The following ARHGAP28 variants were observed in gnomAD, a reference collection of about 807,000 sequenced individuals.
ARHGAP28 encodes Rho GTPase activating protein 28.
A neutral mutation model predicts 90.7 loss-of-function variants in ARHGAP28; 56 were observed. That is an observed-to-expected ratio of 0.62 (90% CI 0.50 to 0.77). The LOEUF (loss-of-function observed/expected upper bound fraction) is 0.77, where lower values mean the gene tolerates loss of function less well. ARHGAP28 is among the 30% of genes least tolerant of loss of function. The pLI, the probability that ARHGAP28 is intolerant of heterozygous loss-of-function variation, is 0.00. For synonymous variants in ARHGAP28, 308 were observed against 323.3 expected (o/e 0.95, Z 0.51); for missense variants, 869 against 900.9 (o/e 0.96, Z 0.45).
rs374741702 is a variant in ARHGAP28 at position 6,887,248 on chromosome 18, T to G, written c.1536+9T>G. 5 of 1,613,264 alleles carry G rather than the reference T, an allele frequency of 3.1e-6. No individual in the cohort carries two copies. Among genetic ancestry groups the G allele is most frequent in the Non-Finnish European group, 4.2e-6 (5 of 1,179,514 alleles). The stretch of plus-strand genomic sequence containing the variant: ...ACAGAGATGCAGCTCAGGTACGTCG[T>G]GTCCACCTCACAGCTTGTCCTGGGG... On this transcript the variant is annotated intron_variant, in intron 12 of 17. Transcript: ENST00000383472.
chr18:6,839,959 T>C (rs1348685077), intron 3 of ARHGAP28, among the ~76,000 whole-genome samples: 1 of 152,218 alleles, frequency 6.6e-6, no homozygotes, highest in African/African-American at 2.4e-5. Flanking sequence ...TTTCCACTTT[T>C]AAGCATTCAG....
intron 1 of ARHGAP28, among the ~76,000 whole-genome samples, chr18:6,745,246 A>G (rs1567933043): frequency 6.6e-6 from 1 of 152,162 alleles, no homozygotes; most frequent in Non-Finnish European, 1.5e-5. Flanking sequence ...ATCTGATGAC[A>G]TATTGCAAGA....
intron 12 of ARHGAP28, among the ~76,000 whole-genome samples, chr18:6,889,423 T>C (rs1452853527): frequency 6.6e-6 from 1 of 152,212 alleles, no homozygotes; most frequent in Non-Finnish European, 1.5e-5. Context: ...GAGATACTTA[T>C]GTTGTTTAAA....
chr18:6,805,678 G>T (rs1349568618), intron 1 of ARHGAP28, among the ~76,000 whole-genome samples: 9 of 151,440 alleles, frequency 5.9e-5, no homozygotes, highest in Admixed American at 1.3e-4. Flanking sequence ...TAGAGACGGG[G>T]TTTCACCATG....
rs534405978 is a variant in ARHGAP28 at position 6,892,284 on chromosome 18, G to A, written c.1848+1741G>A. On this transcript the variant is annotated intron_variant, in intron 14 of 17. Coordinates refer to ENST00000383472, the MANE Select transcript of ARHGAP28 (RefSeq NM_001366230.1). The stretch of plus-strand genomic sequence containing the variant: ...CTGCCTCAGCCTCCCAGGTAGCTGG[G>A]ATTACAGGTGCCTGCCATCATGCCT... Among the ~76,000 whole-genome samples, 3 of 152,234 alleles carry A rather than the reference G, an allele frequency of 2.0e-5. No homozygotes were observed. The South Asian group carries it at 6.2e-4, about 32-fold the overall frequency.
intron 2 of ARHGAP28, among the ~76,000 whole-genome samples, chr18:6,836,433 C>T (rs1420870704): frequency 6.6e-6 from 1 of 152,036 alleles, no homozygotes; most frequent in African/African-American, 2.4e-5. Context: ...TTAGAGCAAG[C>T]AGGGAGTCGC....
At chr18:6,895,274 C>T (rs1341824289) in intron 15 of ARHGAP28, among the ~76,000 whole-genome samples, 3 of 152,020 alleles carry the variant, frequency 2.0e-5, no homozygotes, top group African/African-American at 4.8e-5. Context: ...TTGGCTCCCA[C>T]CCAGATCCAA....
At chr18:6,760,579 C>T (rs1433089894) in intron 1 of ARHGAP28, among the ~76,000 whole-genome samples, 1 of 152,178 alleles carries the variant, frequency 6.6e-6, no homozygotes, top group Non-Finnish European at 1.5e-5. Flanking sequence ...AAAACACTTT[C>T]TACAGAAGCT....
chr18:6,856,878 T>TG lies in ARHGAP28; in HGVS notation c.637-2928dup, dbSNP rs529594183. On this transcript the variant is annotated intron_variant, in intron 4 of 17. Transcript: ENST00000383472. Reference sequence around the variant, plus strand: ...TAATTATAGTATGTTCTTTTATGTCTGGCTTCTTTAATTTATAATAATTTT... The same window carrying TG: ...TAATTATAGTATGTTCTTTTATGTCTGGGCTTCTTTAATTTATAATAATTTT... 3.1e-4 allele frequency among the ~76,000 whole-genome samples: 47 copies of TG among 152,374 alleles called. 1 individual carries two copies. The highest frequency in any genetic ancestry group is 2.4e-3 in the Admixed American group (36 of 15,306).
At chr18:6,856,748 G>T (rs1036519563) in intron 4 of ARHGAP28, among the ~76,000 whole-genome samples, 4 of 152,084 alleles carry the variant, frequency 2.6e-5, no homozygotes, top group African/African-American at 4.8e-5. Context: ...CCATCACCCA[G>T]AAATTTTTCC....
At chr18:6,881,776 A>G (rs1031736070) in intron 10 of ARHGAP28, among the ~76,000 whole-genome samples, 1 of 152,226 alleles carries the variant, frequency 6.6e-6, no homozygotes, top group Non-Finnish European at 1.5e-5. Flanking sequence ...GATTATGAAA[A>G]GAGGGGGAAC....
intron 17 of ARHGAP28, among the ~76,000 whole-genome samples, chr18:6,910,059 C>G (rs184867463): frequency 1.5e-3 from 233 of 152,300 alleles, no homozygotes; most frequent in South Asian, 3.3e-3. Flanking sequence ...TCCTTGTTAT[C>G]TCTTGAAGCC....
rs777511926 is a variant in ARHGAP28 at position 6,868,234 on chromosome 18, G to A, written c.811G>A (p.Asp271Asn). 6.8e-6 allele frequency: 11 copies of A among 1,613,680 alleles called. No homozygotes were observed. In the Admixed American group the frequency reaches 1.5e-4, roughly 22 times the overall value. The part of the protein sequence containing the change: ...PGQPVQNAIS[D>N]DDFLEKNIPP... Reference sequence around the variant, plus strand: ...ACAGCCAGTTCAGAATGCGATAAGTGGTGAGCGGCATGCCTCCTGTTGAAC... The same window carrying A: ...ACAGCCAGTTCAGAATGCGATAAGTAGTGAGCGGCATGCCTCCTGTTGAAC... Residue 271 changes from aspartate to asparagine, a missense_variant and splice_region_variant, in exon 6 of 18, where the codon GAT (aspartate) becomes AAT (asparagine). Transcript: ENST00000383472.
chr18:6,814,706 C>G (rs2056578855), intron 1 of ARHGAP28, among the ~76,000 whole-genome samples: 1 of 152,030 alleles, frequency 6.6e-6, no homozygotes, highest in Non-Finnish European at 1.5e-5. Flanking sequence ...TGTAGCAGGC[C>G]CCTCAAAACT....
At chr18:6,910,884 G>C (rs187391002) in intron 17 of ARHGAP28, among the ~76,000 whole-genome samples, 1 of 134,754 alleles carries the variant, frequency 7.4e-6, no homozygotes, top group African/African-American at 2.7e-5. Flanking sequence ...TCGCTCTGTC[G>C]CCCAGGCTGG....
chr18:6,757,512 C>T (rs925479470), intron 1 of ARHGAP28, among the ~76,000 whole-genome samples: 1 of 152,146 alleles, frequency 6.6e-6, no homozygotes, highest in Non-Finnish European at 1.5e-5. Context: ...ATTTTACAGT[C>T]ATTATGATGT....
chr18:6,868,215 A>G lies in ARHGAP28; in HGVS notation c.792A>G (p.Pro264=). The change falls in exon 6 of 18, where the codon CCA becomes CCG. Residue 264 remains proline, a synonymous_variant. Coordinates refer to ENST00000383472, the MANE Select transcript of ARHGAP28 (RefSeq NM_001366230.1). ...HSNGSPEPGQ[P]VQNAISDDDF... ...ATGGATCACCGGAGCCTGGACAGCC[A>G]GTTCAGAATGCGATAAGTGGTGAGC... is the stretch of plus-strand genomic sequence containing the variant. 2 of 1,614,184 alleles carry G rather than the reference A, an allele frequency of 1.2e-6. No homozygotes were observed. The highest frequency in any genetic ancestry group is 1.7e-6 in the Non-Finnish European group (2 of 1,180,012).
At chr18:6,910,829 TTTTGTTTTGTTTTGTTTGC>T (rs1269653139) in intron 17 of ARHGAP28, among the ~76,000 whole-genome samples, 1 of 8,348 alleles carries the variant, frequency 1.2e-4, no homozygotes, top group Non-Finnish European at 4.9e-4. Flanking sequence ...AGTTTTGTTT[TTTTGTTTTGTTTTGTTTGC>T]TTTGTTTTTT....
chr18:6,743,529 C>T (rs1394084395), intron 1 of ARHGAP28, among the ~76,000 whole-genome samples: 1 of 152,068 alleles, frequency 6.6e-6, no homozygotes, highest in Non-Finnish European at 1.5e-5. Flanking sequence ...ACAAAGTCTT[C>T]CCTGAGAGAG....
Sources: gnomAD v4.1 joint callset for allele counts (sites outside exome capture counted in the v4.1 genomes callset) on GRCh38, gnomAD v4.1.1 for gene constraint, MANE v1.5 for transcripts, NCBI Gene and HGNC (gene_info 2026-07-23, HGNC 2026-07-21) for gene names.